The following MBNL1 variants were observed in gnomAD, a reference collection of about 807,000 sequenced individuals.
MBNL1 encodes the protein muscleblind like splicing regulator 1.
Under a neutral mutation model 42.2 loss-of-function variants are expected in MBNL1, and 8 were observed. That is an observed-to-expected ratio of 0.19 (90% CI 0.11 to 0.34). MBNL1 has a LOEUF of 0.34. Ranked by LOEUF, MBNL1 falls within the 10% of genes least tolerant of loss-of-function variation. MBNL1 has a pLI of 1.00. For synonymous variants in MBNL1, 169 were observed against 173.9 expected, an observed-to-expected ratio of 0.97 and a Z score of 0.22; for missense variants, 309 against 495.3, an observed-to-expected ratio of 0.62 and a Z score of 3.57.
chr3:152,429,802 G>C (rs1358434836), intron 3 of MBNL1, among the ~76,000 whole-genome samples: 1 of 151,942 alleles, frequency 6.6e-6, no homozygotes, highest in Non-Finnish European at 1.5e-5. Flanking sequence ...TTGTGTGTGT[G>C]TGTGTGTGTG....
intron 2 of MBNL1, among the ~76,000 whole-genome samples, chr3:152,369,982 T>C (rs932412977): frequency 6.6e-6 from 1 of 152,146 alleles, no homozygotes; most frequent in African/African-American, 2.4e-5. Context: ...CGTTGATTGT[T>C]TTTGGTTTTC....
chr3:152,421,746 C>G (rs1221155326), intron 3 of MBNL1, among the ~76,000 whole-genome samples: 1 of 152,092 alleles, frequency 6.6e-6, no homozygotes, highest in Non-Finnish European at 1.5e-5. Context: ...CTGCAGAAAC[C>G]CTACAAGCCA....
chr3:152,430,809 G>A (rs749992181), intron 3 of MBNL1, among the ~76,000 whole-genome samples: 1 of 152,126 alleles, frequency 6.6e-6, no homozygotes, highest in African/African-American at 2.4e-5. Flanking sequence ...GATAGTTCTT[G>A]TTGTCTGCAG....
intron 2 of MBNL1, among the ~76,000 whole-genome samples, chr3:152,250,911 C>A (rs1009426864): frequency 1.3e-5 from 2 of 151,992 alleles, no homozygotes; most frequent in Non-Finnish European, 2.9e-5. Flanking sequence ...TGTTTATATG[C>A]TGGATGAACA....
chr3:152,324,413 A>G (rs773814371), intron 2 of MBNL1, among the ~76,000 whole-genome samples: 18 of 152,242 alleles, frequency 1.2e-4, no homozygotes, highest in Non-Finnish European at 2.2e-4. Context: ...CTCTGCCTGT[A>G]TAGCTTGTTG....
intron 2 of MBNL1, among the ~76,000 whole-genome samples, chr3:152,262,173 T>C (rs1056199265): frequency 6.6e-6 from 1 of 152,170 alleles, no homozygotes. Flanking sequence ...TAAGGAACAA[T>C]AGCCAGTGTA....
intron 2 of MBNL1, among the ~76,000 whole-genome samples, chr3:152,342,553 A>AATACACAC (rs375205126): frequency 6.8e-6 from 1 of 146,000 alleles, no homozygotes; most frequent in Non-Finnish European, 1.5e-5. Context: ...AACTAAACAA[A>AATACACAC]ACACACACAC....
chr3:152,429,806 G>C (rs1173856644), intron 3 of MBNL1, among the ~76,000 whole-genome samples: 1 of 151,954 alleles, frequency 6.6e-6, no homozygotes, highest in Non-Finnish European at 1.5e-5. Context: ...GTGTGTGTGT[G>C]TGTGTGTCTG....
chr3:152,449,335 C>G (rs1353929053), intron 6 of MBNL1: 1 of 152,180 alleles, frequency 6.6e-6, no homozygotes, highest in Non-Finnish European at 1.5e-5. Flanking sequence ...GATTGAACTC[C>G]TCGTTCTACT....
chr3:152,307,630 A>C (rs1316450687), intron 2 of MBNL1, among the ~76,000 whole-genome samples: 1 of 152,208 alleles, frequency 6.6e-6, no homozygotes, highest in Non-Finnish European at 1.5e-5. Flanking sequence ...AAGTTAGGTA[A>C]TACATGCAAG....
intron 2 of MBNL1, among the ~76,000 whole-genome samples, chr3:152,399,475 A>G (rs1163717564): frequency 6.6e-6 from 1 of 152,094 alleles, no homozygotes; most frequent in Non-Finnish European, 1.5e-5. Context: ...ATACTCTGTT[A>G]TTATTCTAAG....
At chr3:152,248,856 G>C (rs1376821683) in intron 2 of MBNL1, among the ~76,000 whole-genome samples, 1 of 151,734 alleles carries the variant, frequency 6.6e-6, no homozygotes, top group Non-Finnish European at 1.5e-5. Context: ...CTATGAGTGA[G>C]AACATGCAGT....
intron 2 of MBNL1, among the ~76,000 whole-genome samples, chr3:152,311,930 C>G (rs1393535282): frequency 6.6e-6 from 1 of 151,298 alleles, no homozygotes; most frequent in Non-Finnish European, 1.5e-5. Context: ...GTGGCTCACG[C>G]CTGTAATCCC....
At chr3:152,288,579 T>TA (rs997233188) in intron 1 of MBNL1, among the ~76,000 whole-genome samples, 1 of 152,110 alleles carries the variant, frequency 6.6e-6, no homozygotes, top group African/African-American at 2.4e-5. Context: ...TATAATGTAT[T>TA]AAAAAAAGCA....
intron 2 of MBNL1, among the ~76,000 whole-genome samples, chr3:152,329,694 A>C (rs1015000358): frequency 2.1e-3 from 309 of 145,800 alleles, no homozygotes; most frequent in Non-Finnish European, 3.5e-3. Flanking sequence ...TATCTTATAT[A>C]TTATATATAT....
intron 3 of MBNL1, among the ~76,000 whole-genome samples, chr3:152,431,616 C>T (rs1336499321): frequency 6.6e-6 from 1 of 152,098 alleles, no homozygotes; most frequent in Non-Finnish European, 1.5e-5. Context: ...TAATTCTGTT[C>T]ATTACTGCTG....
chr3:152,445,342 C>T lies in MBNL1; in HGVS notation c.610C>T (p.His204Tyr). The T allele has an allele frequency of 1.2e-6, 2 of 1,614,066 alleles. No individual in the cohort carries two copies. Among genetic ancestry groups the T allele is most frequent in the Non-Finnish European group, 1.7e-6 (2 of 1,179,952 alleles). ...AGGAGAAAATGATTGTCGGTTTGCT[C>T]ATCCTGCTGACAGCACAATGATTGA... ...NRGENDCRFA[H>Y]PADSTMIDTN... Residue 204 changes from histidine to tyrosine, a missense_variant, in exon 5 of 10, where the codon CAT becomes TAT. By Grantham distance (83) the His-to-Tyr change is moderately conservative. Coordinates refer to ENST00000324210, the MANE Select transcript of MBNL1 (RefSeq NM_021038.5).
intron 2 of MBNL1, among the ~76,000 whole-genome samples, chr3:152,403,984 G>A (rs2098340777): frequency 6.6e-6 from 1 of 152,172 alleles, no homozygotes; most frequent in Non-Finnish European, 1.5e-5. Flanking sequence ...GGAGACTGTG[G>A]TCAGCAGTGG....
chr3:152,336,841 A>T (rs2152751123), intron 2 of MBNL1, among the ~76,000 whole-genome samples: 1 of 152,312 alleles, frequency 6.6e-6, no homozygotes, highest in Non-Finnish European at 1.5e-5. Flanking sequence ...TACTGTTACT[A>T]TTTTAGTTAC....
Sources: allele counts gnomAD v4.1 joint callset (sites outside exome capture counted in the v4.1 genomes callset), GRCh38; gene constraint gnomAD v4.1.1; transcripts MANE v1.5; gene names NCBI Gene and HGNC (gene_info 2026-07-23, HGNC 2026-07-21).